DLGAP1: variants seen among roughly 807,000 people sequenced by gnomAD.
DLGAP1 encodes DLG associated protein 1, also known as disks large-associated protein 1.
A neutral mutation model predicts 90.8 loss-of-function variants in DLGAP1; 11 were observed. The ratio of observed to expected loss-of-function variants is 0.12; its 90% CI spans 0.08 to 0.20. DLGAP1 has a LOEUF of 0.20. DLGAP1 is among the 10% of genes least tolerant of loss of function. The probability of loss-of-function intolerance (pLI) is 1.00; values close to 1 mark genes in which losing one functional copy is unlikely to be tolerated. For synonymous variants in DLGAP1, 558 were observed against 540.7 expected, an observed-to-expected ratio of 1.03 and a Z score of -0.44; for missense variants, 1,050 against 1,333.8, an observed-to-expected ratio of 0.79 and a Z score of 3.31.
At chr18:4,335,408 T>C (rs2081048796) in intron 1 of DLGAP1, among the ~76,000 whole-genome samples, 1 of 151,974 alleles carries the variant, frequency 6.6e-6, no homozygotes, top group South Asian at 2.1e-4. Context: ...CCTTGCACAG[T>C]ATCAGTAATA....
intron 7 of DLGAP1, among the ~76,000 whole-genome samples, chr18:3,633,580 A>T (rs2058596661): frequency 6.6e-6 from 1 of 152,178 alleles, no homozygotes; most frequent in South Asian, 2.1e-4. Flanking sequence ...TGGATTTTTT[A>T]AAAGTTTAGA....
chr18:4,032,104 G>A (rs534740493), intron 2 of DLGAP1, among the ~76,000 whole-genome samples: 1 of 152,298 alleles, frequency 6.6e-6, no homozygotes, highest in South Asian at 2.1e-4. Flanking sequence ...GATATTAACA[G>A]TAGTTTACCT....
At chr18:3,871,945 A>G (rs1402156121) in intron 4 of DLGAP1, among the ~76,000 whole-genome samples, 1 of 152,230 alleles carries the variant, frequency 6.6e-6, no homozygotes, top group African/African-American at 2.4e-5. Flanking sequence ...GTTCTGTGAT[A>G]TCACAAGCCT....
chr18:3,920,352 CA>C (rs34353326), intron 3 of DLGAP1, among the ~76,000 whole-genome samples: 8,930 of 75,462 alleles, frequency 0.12, 260 homozygotes, highest in African/African-American at 0.28. Flanking sequence ...AGACTCTGTC[CA>C]AAAAAAAAAA....
At chr18:3,821,440 T>TAA (rs34614137) in intron 4 of DLGAP1, among the ~76,000 whole-genome samples, 3,090 of 151,434 alleles carry the variant, frequency 0.02, 100 homozygotes, top group African/African-American at 0.069. Flanking sequence ...ACCAATAAAC[T>TAA]AAAAAAAAGA....
chr18:4,034,715 T>C (rs372905879), intron 2 of DLGAP1, among the ~76,000 whole-genome samples: 54 of 152,306 alleles, frequency 3.5e-4, no homozygotes, highest in African/African-American at 1.3e-3. Flanking sequence ...CTCACTAACA[T>C]TGCCTTCTTG....
At chr18:3,582,945 G>A (rs959001598) in intron 7 of DLGAP1, among the ~76,000 whole-genome samples, 2 of 147,338 alleles carry the variant, frequency 1.4e-5, no homozygotes, top group African/African-American at 5.0e-5. Flanking sequence ...AAATAGAGAG[G>A]AGGTCTCTCT....
chr18:3,795,343 G>GTC (rs1218047648), intron 5 of DLGAP1, among the ~76,000 whole-genome samples: 1 of 151,966 alleles, frequency 6.6e-6, no homozygotes, highest in Non-Finnish European at 1.5e-5. Flanking sequence ...TTGAGACAGG[G>GTC]TCTCTCTCTG....
At chr18:4,071,235 TAC>T (rs869194927) in intron 2 of DLGAP1, among the ~76,000 whole-genome samples, 4 of 48,394 alleles carry the variant, frequency 8.3e-5, no homozygotes, top group Admixed American at 1.3e-4. Flanking sequence ...TATAAAGATA[TAC>T]ATGTGTGTGT....
At chr18:3,834,966 A>G (rs2068285218) in intron 4 of DLGAP1, among the ~76,000 whole-genome samples, 1 of 152,216 alleles carries the variant, frequency 6.6e-6, no homozygotes, top group Non-Finnish European at 1.5e-5. Context: ...TGAAACTTGG[A>G]CCACAGAATC....
rs1268329064 is a variant in DLGAP1 at position 3,945,789 on chromosome 18, A to C, written c.-73+59327T>G. 7.5e-3 allele frequency among the ~76,000 whole-genome samples: 3 copies of C among 402 alleles called. No individual in the cohort carries two copies. In the South Asian group the frequency reaches 0.19, roughly 25 times the overall value. The allele number at this position is 402 out of a possible 152,430, so 0.3% of individuals were successfully genotyped here. ...CTAAAACTTAAAGTATAATAATAAA[A>C]GAAAAAAAAGAGTTAATATGCTCTT... On this transcript the variant is annotated intron_variant, in intron 3 of 12. Transcript: ENST00000315677.
At chr18:3,725,083 C>G (rs2062118265) in intron 7 of DLGAP1, among the ~76,000 whole-genome samples, 1 of 152,188 alleles carries the variant, frequency 6.6e-6, no homozygotes, top group South Asian at 2.1e-4. Flanking sequence ...ATCTGCCTCT[C>G]CCCACCTACT....
At chr18:3,719,216 G>C (rs560563917) in intron 7 of DLGAP1, among the ~76,000 whole-genome samples, 6 of 152,126 alleles carry the variant, frequency 3.9e-5, no homozygotes, top group African/African-American at 1.4e-4. Context: ...TGTGGTGATG[G>C]AATGGTTCTA....
At chr18:4,172,437 T>C (rs978392759) in intron 1 of DLGAP1, among the ~76,000 whole-genome samples, 2 of 152,234 alleles carry the variant, frequency 1.3e-5, no homozygotes, top group Admixed American at 1.3e-4. Context: ...CATTTAGTCT[T>C]GCATGCGCGT....
At chr18:4,107,929 T>G (rs2075899124) in intron 2 of DLGAP1, among the ~76,000 whole-genome samples, 1 of 152,196 alleles carries the variant, frequency 6.6e-6, no homozygotes, top group Non-Finnish European at 1.5e-5. Flanking sequence ...CTCTAAGAAT[T>G]GAAAAATCTA....
chr18:4,430,291 C>G (rs2083256619), intron 1 of DLGAP1, among the ~76,000 whole-genome samples: 1 of 152,068 alleles, frequency 6.6e-6, no homozygotes. Flanking sequence ...TTAAATATTA[C>G]CTTTAAGGAT....
intron 7 of DLGAP1, among the ~76,000 whole-genome samples, chr18:3,675,250 T>C (rs1434682236): frequency 6.6e-6 from 1 of 152,178 alleles, no homozygotes; most frequent in Non-Finnish European, 1.5e-5. Flanking sequence ...TTTGTGTTTT[T>C]AGTAGAGACG....
intron 1 of DLGAP1, among the ~76,000 whole-genome samples, chr18:4,188,314 A>T (rs1049572263): frequency 2.0e-5 from 3 of 152,094 alleles, no homozygotes; most frequent in African/African-American, 4.8e-5. Flanking sequence ...ATTATTTTTT[A>T]AAATTTATTT....
chr18:3,625,437 C>A (rs2058256898), intron 7 of DLGAP1, among the ~76,000 whole-genome samples: 1 of 152,168 alleles, frequency 6.6e-6, no homozygotes, highest in African/African-American at 2.4e-5. Flanking sequence ...AAGGAGGCAC[C>A]ACTTCACGCA....
Sources: allele counts gnomAD v4.1 joint callset (sites outside exome capture counted in the v4.1 genomes callset), GRCh38; gene constraint gnomAD v4.1.1; transcripts MANE v1.5; gene names NCBI Gene and HGNC (gene_info 2026-07-23, HGNC 2026-07-21).